TUBB1: variants seen among roughly 807,000 people sequenced by gnomAD.
The protein encoded by TUBB1 is tubulin beta-1 chain.
In TUBB1, 28 loss-of-function variants were observed where a neutral mutation model predicts 22.6. That is an observed-to-expected ratio of 1.24 (90% confidence interval 0.92 to 1.70). The LOEUF (loss-of-function observed/expected upper bound fraction) is 1.70, where lower values mean the gene tolerates loss of function less well. Among genes scored for constraint, TUBB1 ranks in the 40% most tolerant of loss-of-function variants. The pLI is 0.00. For synonymous variants in TUBB1, 226 were observed against 238.0 expected, an observed-to-expected ratio of 0.95 and a Z score of 0.46; for missense variants, 577 against 605.5, an observed-to-expected ratio of 0.95 and a Z score of 0.49.
chr20:59,023,063 G>A, intron 2 of TUBB1, 110 bp downstream of exon 2: 1 of 1,054,398 alleles, frequency 9.5e-7, no homozygotes, highest in Non-Finnish European at 1.4e-6. Context: ...TCTATGCTCA[G>A]GGAGGCGACA....
rs2091983114 is a variant in TUBB1 at position 59,024,324 on chromosome 20, C to A, written c.897C>A (p.Thr299=). ...LTQQMFDARN[T]MAACDLRRGR... ...AGCAGATGTTCGATGCCCGCAATAC[C>A]ATGGCTGCCTGTGACCTCCGCCGTG... Residue 299 remains threonine (T), a synonymous_variant, in exon 4 of 4, where the codon ACC becomes ACA. Coordinates refer to ENST00000217133, the MANE Select transcript of TUBB1 (RefSeq NM_030773.4). This position sits in a 1 kb window ranked among gnomAD's most constrained non-coding sequence, Gnocchi z 4.9. The A allele has an allele frequency of 6.2e-7, 1 of 1,613,692 alleles. No individual in the cohort carries two copies. Among genetic ancestry groups the A allele is most frequent in the African/African-American group, 1.3e-5 (1 of 74,910 alleles).
chr20:59,022,946 A>G lies in TUBB1; in HGVS notation c.159A>G (p.Glu53=), dbSNP rs780016923. Residue 53 remains glutamate, a synonymous_variant, in exon 2 of 4, where the codon GAA becomes GAG. Coordinates refer to ENST00000217133, the MANE Select transcript of TUBB1 (RefSeq NM_030773.4). The stretch of plus-strand genomic sequence containing the variant: ...AGAGAATCAGCGTGTACTACAACGA[A>G]GCCTACGGTAGGACTGGCGGGGCTC... ...QLERISVYYN[E]AYGRKYVPRA... 1 of 1,613,712 alleles carries G rather than the reference A, an allele frequency of 6.2e-7. No individual in the cohort carries two copies. The highest frequency in any genetic ancestry group is 1.1e-5 in the South Asian group (1 of 91,046).
rs1442211304 is a variant in TUBB1 at position 59,025,443 on chromosome 20, G to C, written c.*660G>C. 3.3e-5 allele frequency: 5 copies of C among 152,994 alleles called. No homozygotes were observed. The highest frequency in any genetic ancestry group is 3.3e-4 in the Admixed American group (5 of 15,380). 9.5% of individuals were successfully genotyped at this position (152,994 alleles called of 1,614,324 possible). A position where few individuals can be genotyped will look rare whatever the true frequency, so the allele number is the denominator to read the frequency against. ...CCACAAAAATACCTGGTCCAAACAA[G>C]AAAAACAAAAAGACAAGCAAAACTA... is the stretch of plus-strand genomic sequence containing the variant. On this transcript the variant is annotated 3_prime_UTR_variant, in exon 4 of 4. Transcript: ENST00000217133.
intron 1 of TUBB1, among the ~76,000 whole-genome samples, chr20:59,021,508 C>A (rs2091966888): frequency 2.0e-5 from 3 of 152,152 alleles, no homozygotes; most frequent in Admixed American, 2.0e-4. Context: ...AATACATTTT[C>A]ATTGCATTTT....
intron 1 of TUBB1, among the ~76,000 whole-genome samples, chr20:59,021,305 G>A (rs2091965903): frequency 6.6e-6 from 1 of 152,322 alleles, no homozygotes. Flanking sequence ...ATCATTTAGA[G>A]ATATAAGAAC....
At chr20:59,017,814 C>T (rs2091950874), upstream of TUBB1, among the ~76,000 whole-genome samples, 1 of 152,230 alleles carries the variant, frequency 6.6e-6, no homozygotes, top group Admixed American at 6.5e-5. Flanking sequence ...GTGCTCTCTT[C>T]CTAAGTAAGC....
rs1028441074 is a variant in TUBB1 at position 59,026,413 on chromosome 20, A to G, written c.*1630A>G. The G allele has an allele frequency of 4.6e-5, 7 of 152,246 alleles. No individual in the cohort carries two copies. Among genetic ancestry groups the G allele is most frequent in the African/African-American group, 1.7e-4 (7 of 41,464 alleles). The allele number at this position is 152,246 out of a possible 1,614,324, so 9.4% of individuals were successfully genotyped here. On this transcript the variant is annotated 3_prime_UTR_variant, in exon 4 of 4. Transcript: ENST00000217133. ...ACTTCCTGAGATGCTAAAGACTTAC[A>G]GCCTGCGATTATACAAGGATTTACA...
chr20:59,024,802 C>A lies in TUBB1; in HGVS notation c.*19C>A. ...ACATTAACTGTGAGAGAAGCTGTGC[C>A]GCGGAGTCGCTTACAGAACAGTTTC... is the stretch of plus-strand genomic sequence containing the variant. On this transcript the variant is annotated 3_prime_UTR_variant, in exon 4 of 4. Coordinates refer to ENST00000217133, the MANE Select transcript of TUBB1 (RefSeq NM_030773.4). The surrounding 1 kb of genome is among the most constrained non-coding windows in gnomAD (Gnocchi z 4.9). 6.2e-7 allele frequency: 1 copy of A among 1,611,278 alleles called. No individual in the cohort carries two copies. Among genetic ancestry groups the A allele is most frequent in the South Asian group, 1.1e-5 (1 of 90,970 alleles).
rs1203307436 is a variant in TUBB1, at chr20:59,024,396, C to A, written c.969C>A (p.Thr323=). 1 of 1,614,048 alleles carries A rather than the reference C, an allele frequency of 6.2e-7. No homozygotes were observed. The highest frequency in any genetic ancestry group is 1.3e-5 in the African/African-American group (1 of 74,914). Residue 323 remains threonine, a synonymous_variant, in exon 4 of 4, where the codon ACC becomes ACA. Transcript: ENST00000217133. This position sits in a 1 kb window ranked among gnomAD's most constrained non-coding sequence, Gnocchi z 4.9. ...GCATTTTCCGGGGCAAGATGTCCAC[C>A]AAGGAAGTGGACCAGCAACTGCTCT... ...VACIFRGKMS[T]KEVDQQLLSV... is the part of the protein sequence containing the mutation.
intron 1 of TUBB1, among the ~76,000 whole-genome samples, chr20:59,020,051 T>G (rs1323450760): frequency 1.3e-5 from 2 of 151,338 alleles, no homozygotes; most frequent in Non-Finnish European, 2.9e-5. Flanking sequence ...AATTTTTAAA[T>G]TTTTTTTTGA....
Position 59,024,829 on chromosome 20 carries a change from C to G in TUBB1, c.*46C>G. 5 of 1,571,326 alleles carry G rather than the reference C, an allele frequency of 3.2e-6. No homozygotes were observed. Among genetic ancestry groups the G allele is most frequent in the African/African-American group, 1.3e-5 (1 of 74,172 alleles). ...CGGAGTCGCTTACAGAACAGTTTCT[C>G]ATTAGATGAGTGTTTCTCCTGCAGC... On this transcript the variant is annotated 3_prime_UTR_variant, in exon 4 of 4. Coordinates refer to ENST00000217133, the MANE Select transcript of TUBB1 (RefSeq NM_030773.4). This position sits in a 1 kb window ranked among gnomAD's most constrained non-coding sequence, Gnocchi z 4.9.
In TUBB1 at chr20:59,024,174, C is replaced by T; in HGVS notation, c.747C>T (p.Asp249=). 6.2e-7 allele frequency: 1 copy of T among 1,614,242 alleles called. No individual in the cohort carries two copies. The highest frequency in any genetic ancestry group is 1.1e-5 in the South Asian group (1 of 91,086). ...SLRFPGQLNA[D]LRKLAVNMVP... The stretch of plus-strand genomic sequence containing the variant: ...GGTTCCCGGGTCAGCTCAACGCAGA[C>T]CTGCGCAAGCTGGCGGTGAACATGG... Residue 249 remains aspartate, a synonymous_variant, in exon 4 of 4, where the codon GAC becomes GAT. Coordinates refer to ENST00000217133, the MANE Select transcript of TUBB1 (RefSeq NM_030773.4). The surrounding 1 kb of genome is among the most constrained non-coding windows in gnomAD (Gnocchi z 4.9).
At position 59,024,405 on chromosome 20, in the gene TUBB1, G is replaced by A; in HGVS notation, c.978G>A (p.Val326=). 6.2e-7 allele frequency: 1 copy of A among 1,614,204 alleles called. No homozygotes were observed. The highest frequency in any genetic ancestry group is 8.5e-7 in the Non-Finnish European group (1 of 1,180,032). ...IFRGKMSTKE[V]DQQLLSVQTR... is the part of the protein sequence containing the mutation. The stretch of plus-strand genomic sequence containing the variant: ...GGGGCAAGATGTCCACCAAGGAAGT[G>A]GACCAGCAACTGCTCTCCGTGCAGA... Residue 326 remains valine, a synonymous_variant, in exon 4 of 4, where the codon GTG becomes GTA. Transcript: ENST00000217133. This position sits in a 1 kb window ranked among gnomAD's most constrained non-coding sequence, Gnocchi z 4.9.
At chr20:59,019,084 G>A (rs1366712291), upstream of TUBB1, among the ~76,000 whole-genome samples, 1 of 152,172 alleles carries the variant, frequency 6.6e-6, no homozygotes, top group Non-Finnish European at 1.5e-5. Context: ...AGATGGACAG[G>A]GAAAGCCCTT....
At chr20:59,020,588 T>A (rs1367448842) in intron 1 of TUBB1, among the ~76,000 whole-genome samples, 1 of 152,200 alleles carries the variant, frequency 6.6e-6, no homozygotes, top group African/African-American at 2.4e-5. Flanking sequence ...GTCACTATGG[T>A]GTCTTTCCCC....
At chr20:59,017,952 G>T (rs943056317), upstream of TUBB1, among the ~76,000 whole-genome samples, 1 of 152,236 alleles carries the variant, frequency 6.6e-6, no homozygotes, top group African/African-American at 2.4e-5. Flanking sequence ...GGCAACCTCA[G>T]GGTGCCCGGC....
At position 59,024,706 on chromosome 20, in the gene TUBB1, G is replaced by A. The variant is rs760049424; in HGVS notation, c.1279G>A (p.Asp427Asn). 46 of 1,614,036 alleles carry A rather than the reference G, an allele frequency of 2.9e-5. 1 individual carries two copies. The highest frequency in any genetic ancestry group is 3.4e-5 in the Non-Finnish European group (40 of 1,180,036). The part of the protein sequence containing the change: ...DLVSEYQQFQ[D>N]AKAVLEEDEE... ...GGTATCCGAGTACCAACAATTTCAA[G>A]ATGCCAAAGCAGTTCTAGAGGAAGA... The change falls in exon 4 of 4, where the codon GAT becomes AAT. Residue 427 changes from aspartate (D) to asparagine (N), a missense_variant. Coordinates refer to ENST00000217133, the MANE Select transcript of TUBB1 (RefSeq NM_030773.4). This position sits in a 1 kb window ranked among gnomAD's most constrained non-coding sequence, Gnocchi z 4.9.
upstream of TUBB1, among the ~76,000 whole-genome samples, chr20:59,018,072 G>A (rs910944831): frequency 6.6e-6 from 1 of 152,240 alleles, no homozygotes; most frequent in South Asian, 2.1e-4. Context: ...CCTGCACCTC[G>A]ACAGCTCAAC....
chr20:59,019,262 A>G, upstream of TUBB1: 1 of 561,794 alleles, frequency 1.8e-6, no homozygotes, highest in Middle Eastern at 4.9e-4. Context: ...ATGGGGCAGT[A>G]TTCTGTGTTG....
Sources: allele counts gnomAD v4.1 joint callset (sites outside exome capture counted in the v4.1 genomes callset), GRCh38; gene constraint gnomAD v4.1.1; non-coding constraint Gnocchi (gnomAD v3.1); transcripts MANE v1.5; gene names NCBI Gene and HGNC (gene_info 2026-07-23, HGNC 2026-07-21).